SFTPC: variants seen among roughly 807,000 people sequenced by gnomAD.
The protein encoded by SFTPC is surfactant protein C, also known as BRICHOS domain containing 6.
A neutral mutation model predicts 19.9 loss-of-function variants in SFTPC; 12 were observed. The observed-to-expected ratio is 0.60, with a 90% CI of 0.39 to 0.98. SFTPC has a LOEUF of 0.98. Among genes scored for constraint, SFTPC ranks in the 50% least tolerant of loss-of-function variants. The pLI, the probability that SFTPC is intolerant of heterozygous loss-of-function variation, is 0.00. For synonymous variants in SFTPC, 123 were observed against 103.3 expected (o/e 1.19, Z -1.16); for missense variants, 219 against 252.2 (o/e 0.87, Z 0.89).
chr8:22,158,599 A>AGAGGATGAAGTAGATGATGCTAAT, upstream of SFTPC: 1 of 152,380 alleles, frequency 6.6e-6, no homozygotes, highest in East Asian at 1.9e-4. Flanking sequence ...GAGGTCCCCT[A>AGAGGATGAAGTAGATGATGCTAAT]GAGGATGAAG....
At position 22,161,841 on chromosome 8, in the gene SFTPC, A is replaced by G. The variant is rs1348077478; in HGVS notation, c.13A>G (p.Ser5Gly). The change falls in exon 1 of 6, where the codon AGC (serine) becomes GGC (glycine). Residue 5 changes from serine (S) to glycine (G), a missense_variant. Coordinates refer to ENST00000679463, the MANE Select transcript of SFTPC (RefSeq NM_001317778.2). MDVG[S>G]KEVLMESPPD... ...CACCTGCAGCAAGATGGATGTGGGCAGCAAAGAGGTCCTGATGGAGAGCCC... is the reference window on the plus strand; with the variant it reads ...CACCTGCAGCAAGATGGATGTGGGCGGCAAAGAGGTCCTGATGGAGAGCCC... The G allele has an allele frequency of 3.1e-6, 5 of 1,614,104 alleles. No homozygotes were observed. The highest frequency in any genetic ancestry group is 4.2e-6 in the Non-Finnish European group (5 of 1,180,024).
rs2131816947 is a variant in SFTPC, at chr8:22,163,111, C to A, written c.233C>A (p.Ala78Asp). The A allele has an allele frequency of 6.2e-7, 1 of 1,614,160 alleles. No homozygotes were observed. Among genetic ancestry groups the A allele is most frequent in the Admixed American group, 1.7e-5 (1 of 60,024 alleles). The change falls in exon 3 of 6, where the codon GCC becomes GAC. Residue 78 changes from alanine to aspartate, a missense_variant. Ala to Asp is a moderately radical substitution (Grantham distance 126). Transcript: ENST00000679463. ...VLEMSIGAPE[A>D]QQRLALSEHL... ...GAGATGAGCATTGGGGCGCCGGAAG[C>A]CCAGCAACGCCTGGCCCTGAGTGAG...
At position 22,164,132 on chromosome 8, in the gene SFTPC, C is replaced by T. The variant is rs1051062215; in HGVS notation, c.*18+73C>T. On this transcript the variant is annotated intron_variant, in intron 5 of 5. Coordinates refer to ENST00000679463, the MANE Select transcript of SFTPC (RefSeq NM_001317778.2). ...CCTGCCCGGGCTGTGGAGGAGCGCT[C>T]GCGCTGACCAGGCGCTGGGGCGTCC... 3.8e-6 allele frequency: 6 copies of T among 1,590,984 alleles called. No homozygotes were observed. The African/African-American group carries it at 5.4e-5, about 14-fold the overall frequency.
chr8:22,162,864 G>T (rs1563222044), intron 2 of SFTPC, 132 bp downstream of exon 2: 1 of 1,381,266 alleles, frequency 7.2e-7, no homozygotes, highest in East Asian at 2.3e-5. Context: ...AAGGAAAGAG[G>T]CACGAACCAG....
In SFTPC at chr8:22,163,516, G is replaced by T; in HGVS notation, c.405G>T (p.Glu135Asp). 1 of 1,613,690 alleles carries T rather than the reference G, an allele frequency of 6.2e-7. No individual in the cohort carries two copies. The highest frequency in any genetic ancestry group is 1.7e-4 in the Middle Eastern group (1 of 6,060). ...KIAPESIPSL[E>D]ALTRKVHNFQ... Reference sequence around the variant, plus strand: ...CTCCAGAGAGCATCCCCAGTCTTGAGGCTCTCACTAGAAAAGTCCACAACT... The same window carrying T: ...CTCCAGAGAGCATCCCCAGTCTTGATGCTCTCACTAGAAAAGTCCACAACT... Residue 135 changes from glutamate to aspartate, a missense_variant, in exon 4 of 6, where the codon GAG becomes GAT. Glu to Asp is a conservative substitution (Grantham distance 45). Transcript: ENST00000679463.
upstream of SFTPC, among the ~76,000 whole-genome samples, chr8:22,158,136 C>CT: frequency 6.6e-6 from 1 of 152,324 alleles, no homozygotes; most frequent in African/African-American, 2.4e-5. Context: ...TAGTCTTGTG[C>CT]TTTTTGCACA....
At chr8:22,162,458 A>G (rs760887282) in intron 1 of SFTPC, 116 bp from the exon 2 acceptor site, 11 of 1,151,470 alleles carry the variant, frequency 9.6e-6, no homozygotes, top group Admixed American at 1.7e-5. Flanking sequence ...CTGTCCATCC[A>G]TCGCATCGGC....
At chr8:22,162,007 G>A (rs577886875) in intron 1 of SFTPC, 137 bp downstream of exon 1, 1 of 940,052 alleles carries the variant, frequency 1.1e-6, no homozygotes, top group Middle Eastern at 2.1e-4. Context: ...GATAAGTCAG[G>A]ATGGGGACAC....
At chr8:22,160,796 G>A (rs79961407), upstream of SFTPC, among the ~76,000 whole-genome samples, 54 of 152,272 alleles carry the variant, frequency 3.5e-4, no homozygotes, top group African/African-American at 4.8e-4. Flanking sequence ...ATTTGACCTC[G>A]TAAATACATA....
rs1827737458 is a variant in SFTPC, at chr8:22,161,855, G to T, written c.27G>T (p.Leu9=). Residue 9 remains leucine, a synonymous_variant, in exon 1 of 6, where the codon CTG becomes CTT. Coordinates refer to ENST00000679463, the MANE Select transcript of SFTPC (RefSeq NM_001317778.2). MDVGSKEV[L]MESPPDYSAA... is the part of the protein sequence containing the mutation. Reference sequence around the variant, plus strand: ...TGGATGTGGGCAGCAAAGAGGTCCTGATGGAGAGCCCGCCGGTGAGTGTGG... The same window carrying T: ...TGGATGTGGGCAGCAAAGAGGTCCTTATGGAGAGCCCGCCGGTGAGTGTGG... The T allele has an allele frequency of 1.2e-6, 2 of 1,614,004 alleles. No individual in the cohort carries two copies. The highest frequency in any genetic ancestry group is 8.5e-7 in the Non-Finnish European group (1 of 1,180,034).
chr8:22,162,506 T>C, intron 1 of SFTPC, 68 bp from the exon 2 acceptor site: 2 of 1,567,212 alleles, frequency 1.3e-6, no homozygotes, highest in Non-Finnish European at 1.8e-6. Context: ...GTGTTCAGCT[T>C]GTATAGGGAG....
Position 22,163,893 on chromosome 8 carries a change from C to A in SFTPC, c.436-8C>A. ...CTTCCTACATTCCAGATGGAATGCT[C>A]TCTGCAGGCCAAGCCCGCAGTGCCT... On this transcript the variant is annotated splice_region_variant and splice_polypyrimidine_tract_variant and intron_variant, in intron 4 of 5. Coordinates refer to ENST00000679463, the MANE Select transcript of SFTPC (RefSeq NM_001317778.2). 6.2e-7 allele frequency: 1 copy of A among 1,612,560 alleles called. No individual in the cohort carries two copies. Among genetic ancestry groups the A allele is most frequent in the Non-Finnish European group, 8.5e-7 (1 of 1,178,746 alleles).
chr8:22,163,313 T>C (rs1264635430), intron 3 of SFTPC, 111 bp downstream of exon 3: 5 of 1,555,334 alleles, frequency 3.2e-6, no homozygotes, highest in Non-Finnish European at 4.4e-6. Context: ...CAGACCTTTT[T>C]TGCCTGAGCC....
chr8:22,160,334 G>A (rs1733328638), upstream of SFTPC, among the ~76,000 whole-genome samples: 1 of 152,208 alleles, frequency 6.6e-6, no homozygotes, highest in Admixed American at 6.5e-5. Flanking sequence ...AGGACAGGAG[G>A]CTGGTTGGGC....
At chr8:22,159,368 G>A (rs1385749623), upstream of SFTPC, 8 of 204,120 alleles carry the variant, frequency 3.9e-5, no homozygotes, top group East Asian at 3.6e-4. Context: ...AGGGAGAAAC[G>A]GCTTAAGTAC....
Position 22,163,104 on chromosome 8 carries a change from C to T in SFTPC, c.226C>T (p.Pro76Ser). ...GGTTCTGGAGATGAGCATTGGGGCGCCGGAAGCCCAGCAACGCCTGGCCCT... is the reference window on the plus strand; with the variant it reads ...GGTTCTGGAGATGAGCATTGGGGCGTCGGAAGCCCAGCAACGCCTGGCCCT... ...EMVLEMSIGAPEAQQRLALSE... is the reference protein window; with the variant it reads ...EMVLEMSIGASEAQQRLALSE... Residue 76 changes from proline to serine, a missense_variant, in exon 3 of 6, where the codon CCG (proline) becomes TCG (serine). Transcript: ENST00000679463. 6.2e-7 allele frequency: 1 copy of T among 1,614,170 alleles called. No homozygotes were observed. Among genetic ancestry groups the T allele is most frequent in the Non-Finnish European group, 8.5e-7 (1 of 1,180,020 alleles).
chr8:22,159,558 T>C, upstream of SFTPC: 1 of 369,296 alleles, frequency 2.7e-6, no homozygotes, highest in South Asian at 2.0e-5. Context: ...AAAAATGGGT[T>C]TAAAAAAAGA....
intron 4 of SFTPC, 48 bp downstream of exon 4, chr8:22,163,594 G>C (rs552555186): frequency 7.8e-7 from 1 of 1,287,762 alleles, no homozygotes; most frequent in East Asian, 2.3e-5. Context: ...TCCCAGGGCT[G>C]CTGGGAGGAG....
chr8:22,162,982 G>A (rs1827818875), intron 2 of SFTPC, 98 bp from the exon 3 acceptor site: 1 of 1,552,788 alleles, frequency 6.4e-7, no homozygotes. Context: ...TTGGGAAAGA[G>A]GGAAGCGCAT....
Sources: allele counts gnomAD v4.1 joint callset (sites outside exome capture counted in the v4.1 genomes callset), GRCh38; gene constraint gnomAD v4.1.1; transcripts MANE v1.5; gene names NCBI Gene and HGNC (gene_info 2026-07-23, HGNC 2026-07-21).